The following PARD3 variants were observed in gnomAD, a reference collection of about 807,000 sequenced individuals.
The protein encoded by PARD3 is par-3 family cell polarity regulator, also known as partitioning defective 3 homolog.
PARD3 carries 75 observed loss-of-function variants against 155.4 expected under a neutral mutation model. That is an observed-to-expected ratio of 0.48 (90% CI 0.40 to 0.58). The LOEUF is 0.58. Ranked by LOEUF, PARD3 falls within the 20% of genes least tolerant of loss-of-function variation. The pLI is 0.00. For missense variants in PARD3, 1,642 were observed against 1,721.7 expected (o/e 0.95, Z 0.82); for synonymous variants, 576 against 610.5 (o/e 0.94, Z 0.83).
intron 12 of PARD3, among the ~76,000 whole-genome samples, chr10:34,361,240 GC>G (rs1839408521): frequency 6.6e-6 from 1 of 152,178 alleles, no homozygotes; most frequent in South Asian, 2.1e-4. Context: ...CAGACACGTG[GC>G]ACAGGCTCTT....
At chr10:34,295,517 G>C (rs141975823) in intron 20 of PARD3, among the ~76,000 whole-genome samples, 32 of 152,216 alleles carry the variant, frequency 2.1e-4, no homozygotes, top group South Asian at 8.3e-4. Flanking sequence ...GTAAAGTTCT[G>C]GGGGAAGCAG....
chr10:34,341,225 C>G (rs974852344), intron 16 of PARD3, among the ~76,000 whole-genome samples: 1 of 150,366 alleles, frequency 6.7e-6, no homozygotes, highest in Non-Finnish European at 1.5e-5. Flanking sequence ...CCTCCTCCCA[C>G]TCTTAGAACA....
At chr10:34,124,030 CT>C (rs548884497) in intron 23 of PARD3, among the ~76,000 whole-genome samples, 70 of 152,214 alleles carry the variant, frequency 4.6e-4, no homozygotes, top group African/African-American at 1.6e-3. Flanking sequence ...CACTTTTCTT[CT>C]TATAGATAAG....
rs531749335 is a variant in PARD3, at chr10:34,666,498, C to T, written c.222+29820G>A. ...GCACTCGAGGAATTGCTCAAGAAAA[C>T]CCCGAGCACATTGCCAGATACTTAG... On this transcript the variant is annotated intron_variant, in intron 2 of 24. Transcript: ENST00000374788. Among the ~76,000 whole-genome samples, 53 of 152,002 alleles carry T rather than the reference C, an allele frequency of 3.5e-4. 1 individual carries two copies. In the South Asian group the frequency reaches 0.011, roughly 31 times the overall value.
intron 20 of PARD3, among the ~76,000 whole-genome samples, chr10:34,303,314 C>A (rs868717771): frequency 6.6e-6 from 1 of 151,948 alleles, no homozygotes; most frequent in Non-Finnish European, 1.5e-5. Flanking sequence ...AGGAAAATTT[C>A]CATCCTGTTA....
At chr10:34,493,250 T>G (rs16935453) in intron 3 of PARD3, among the ~76,000 whole-genome samples, 11,315 of 152,164 alleles carry the variant, frequency 0.074, 1,291 homozygotes, top group African/African-American at 0.25. Context: ...CAAAGCAAAG[T>G]AAATGCCCAA....
At chr10:34,378,839 C>T (rs1589368468) in intron 9 of PARD3, among the ~76,000 whole-genome samples, 1 of 151,974 alleles carries the variant, frequency 6.6e-6, no homozygotes, top group African/African-American at 2.4e-5. Flanking sequence ...TTATAAATTA[C>T]TCTGATGATT....
At chr10:34,443,959 C>T (rs894639660) in intron 5 of PARD3, among the ~76,000 whole-genome samples, 4 of 152,102 alleles carry the variant, frequency 2.6e-5, no homozygotes, top group South Asian at 2.1e-4. Flanking sequence ...ATGAAAATGA[C>T]GTAGACATCG....
chr10:34,538,745 G>A (rs1273014669), intron 2 of PARD3, among the ~76,000 whole-genome samples: 1 of 152,260 alleles, frequency 6.6e-6, no homozygotes, highest in Non-Finnish European at 1.5e-5. Context: ...AGCCTTCTAG[G>A]AAGAAGAGGC....
chr10:34,436,906 T>C (rs1179206045), intron 5 of PARD3, among the ~76,000 whole-genome samples: 1 of 152,044 alleles, frequency 6.6e-6, no homozygotes, highest in Non-Finnish European at 1.5e-5. Flanking sequence ...AAAAGCATGG[T>C]ACCATTTGAA....
chr10:34,772,775 C>T (rs1474900944), intron 1 of PARD3, among the ~76,000 whole-genome samples: 1 of 128,010 alleles, frequency 7.8e-6, no homozygotes, highest in African/African-American at 3.0e-5. Flanking sequence ...GCCTGGGTGA[C>T]ACAGCAAGAC....
At chr10:34,557,991 G>A (rs762514784) in intron 2 of PARD3, among the ~76,000 whole-genome samples, 4 of 151,372 alleles carry the variant, frequency 2.6e-5, no homozygotes, top group Non-Finnish European at 4.4e-5. Context: ...TCACAAAACT[G>A]TTACTATTCT....
At position 34,548,067 on chromosome 10, in the gene PARD3, A is replaced by G. The variant is rs149285309; in HGVS notation, c.223-30908T>C. ...TTTTTTAGGTTATAGCAGTTAGGCT[A>G]TACTTCAAACATTGTAAGCAATAAC... On this transcript the variant is annotated intron_variant, in intron 2 of 24. Coordinates refer to ENST00000374788, the MANE Select transcript of PARD3 (RefSeq NM_001184785.2). 2.6e-5 allele frequency among the ~76,000 whole-genome samples: 4 copies of G among 152,352 alleles called. No homozygotes were observed. The East Asian group carries it at 5.8e-4, about 22-fold the overall frequency.
At chr10:34,309,727 G>A (rs1957601925) in intron 20 of PARD3, among the ~76,000 whole-genome samples, 1 of 151,036 alleles carries the variant, frequency 6.6e-6, no homozygotes, top group African/African-American at 2.4e-5. Flanking sequence ...GGAGGTGGGG[G>A]CAGAGGTTCA....
At chr10:34,772,940 T>C (rs1469214850) in intron 1 of PARD3, among the ~76,000 whole-genome samples, 1 of 152,202 alleles carries the variant, frequency 6.6e-6, no homozygotes, top group Admixed American at 6.5e-5. Context: ...CCTTAACATG[T>C]TACTTTACCA....
chr10:34,269,993 TTTGA>T, intron 21 of PARD3, 94 bp from the exon 22 acceptor site: 3 of 1,248,098 alleles, frequency 2.4e-6, no homozygotes, highest in Non-Finnish European at 3.3e-6. Context: ...GTAAAATATA[TTTGA>T]TTTCTTGCAG....
At chr10:34,448,810 A>T (rs1484522618) in intron 5 of PARD3, among the ~76,000 whole-genome samples, 1 of 151,884 alleles carries the variant, frequency 6.6e-6, no homozygotes, top group Non-Finnish European at 1.5e-5. Flanking sequence ...ATCTCAAAAA[A>T]ATTAAATTAA....
intron 2 of PARD3, among the ~76,000 whole-genome samples, chr10:34,636,055 AAAGG>A (rs937299755): frequency 1.3e-5 from 2 of 152,072 alleles, no homozygotes; most frequent in Non-Finnish European, 2.9e-5. Flanking sequence ...AAGAAAGAAG[AAAGG>A]AAGGAAGAAG....
At chr10:34,461,122 G>A (rs575568773) in intron 4 of PARD3, among the ~76,000 whole-genome samples, 176 of 152,230 alleles carry the variant, frequency 1.2e-3, no homozygotes, top group African/African-American at 3.9e-3. Flanking sequence ...AACAGGAGCA[G>A]GAATATATGC....
Sources: allele counts gnomAD v4.1 joint callset (sites outside exome capture counted in the v4.1 genomes callset), GRCh38; gene constraint gnomAD v4.1.1; transcripts MANE v1.5; gene names NCBI Gene and HGNC (gene_info 2026-07-23, HGNC 2026-07-21).